TNS3: variants seen among roughly 807,000 people sequenced by gnomAD.
TNS3 encodes the protein tensin-3.
TNS3 carries 45 observed loss-of-function variants against 140.9 expected under a neutral mutation model. The observed-to-expected ratio is 0.32, with a 90% CI of 0.25 to 0.41. The LOEUF is 0.41. Among genes scored for constraint, TNS3 ranks in the 10% least tolerant of loss-of-function variants. The pLI is 1.00. For synonymous variants in TNS3, 815 were observed against 788.4 expected, an observed-to-expected ratio of 1.03 and a Z score of -0.56; for missense variants, 1,716 against 1,906.7, an observed-to-expected ratio of 0.90 and a Z score of 1.86.
chr7:47,377,517 T>C (rs1192960629), intron 16 of TNS3, among the ~76,000 whole-genome samples: 5 of 151,832 alleles, frequency 3.3e-5, no homozygotes, highest in Admixed American at 2.6e-4. Flanking sequence ...GTGGTGGGAG[T>C]GTCATGGCAT....
At chr7:47,328,016 C>A (rs1218588143) in intron 20 of TNS3, among the ~76,000 whole-genome samples, 2 of 152,224 alleles carry the variant, frequency 1.3e-5, no homozygotes, top group Non-Finnish European at 2.9e-5. Context: ...CATGGAAGGG[C>A]CTGGGAGGAT....
chr7:47,508,522 C>G (rs981617016), intron 2 of TNS3, among the ~76,000 whole-genome samples: 2 of 152,206 alleles, frequency 1.3e-5, no homozygotes, highest in Non-Finnish European at 2.9e-5. Context: ...GGGCGGTGGG[C>G]AGGCCTCTGG....
intron 1 of TNS3, among the ~76,000 whole-genome samples, chr7:47,533,049 T>C (rs1209520810): frequency 6.8e-6 from 1 of 147,742 alleles, no homozygotes; most frequent in African/African-American, 2.5e-5. Flanking sequence ...AATAATCATA[T>C]TTATGTAAAT....
chr7:47,401,351 A>G (rs1290130694), intron 13 of TNS3, among the ~76,000 whole-genome samples: 1 of 152,176 alleles, frequency 6.6e-6, no homozygotes, highest in Non-Finnish European at 1.5e-5. Context: ...TCAATGCTCC[A>G]TGTTGCAACT....
At chr7:47,432,834 A>G (rs1406162244) in intron 8 of TNS3, among the ~76,000 whole-genome samples, 1 of 152,176 alleles carries the variant, frequency 6.6e-6, no homozygotes, top group African/African-American at 2.4e-5. Context: ...GATGTAGAAA[A>G]CACAAGAGGG....
At chr7:47,507,679 A>G (rs746102749) in intron 2 of TNS3, among the ~76,000 whole-genome samples, 1 of 152,194 alleles carries the variant, frequency 6.6e-6, no homozygotes, top group Non-Finnish European at 1.5e-5. Context: ...TGTGATCATG[A>G]GGCATAAACC....
chr7:47,556,139 G>C (rs1800189654), intron 1 of TNS3, among the ~76,000 whole-genome samples: 2 of 152,224 alleles, frequency 1.3e-5, no homozygotes, highest in Admixed American at 1.3e-4. Flanking sequence ...TTGGAGTTCA[G>C]TGTGTGAATC....
At chr7:47,348,746 T>C (rs1272646309) in intron 17 of TNS3, among the ~76,000 whole-genome samples, 1 of 152,164 alleles carries the variant, frequency 6.6e-6, no homozygotes, top group Non-Finnish European at 1.5e-5. Flanking sequence ...GGATGGGAAG[T>C]GCATGTTAAC....
chr7:47,554,331 T>C (rs1467467217), intron 1 of TNS3, among the ~76,000 whole-genome samples: 1 of 151,104 alleles, frequency 6.6e-6, no homozygotes, highest in African/African-American at 2.4e-5. Context: ...GACAGGAGAA[T>C]TACTTGAACC....
At chr7:47,517,987 A>G (rs923981413) in intron 2 of TNS3, among the ~76,000 whole-genome samples, 2 of 152,224 alleles carry the variant, frequency 1.3e-5, no homozygotes, top group African/African-American at 4.8e-5. Context: ...TAATCAATCA[A>G]TCAAGAATCA....
intron 1 of TNS3, among the ~76,000 whole-genome samples, chr7:47,546,703 C>A (rs1799930347): frequency 6.6e-6 from 1 of 152,116 alleles, no homozygotes; most frequent in South Asian, 2.1e-4. Context: ...CCCACCTCAC[C>A]ACTGAAGCTT....
In TNS3 at chr7:47,413,987, G is replaced by T; in HGVS notation, c.597C>A (p.Pro199=). The T allele has an allele frequency of 6.2e-7, 1 of 1,613,924 alleles. No homozygotes were observed. Among genetic ancestry groups the T allele is most frequent in the Non-Finnish European group, 8.5e-7 (1 of 1,179,988 alleles). ...PNFDTGGVCR[P]FLKLYQAMQP... is the part of the protein sequence containing the mutation. ...GCATGGCTTGGTAGAGCTTCAGAAA[G>T]GGCCGGCACACTGAAAGAAAGGCAC... Residue 199 remains proline, a synonymous_variant, in exon 12 of 31, where the codon CCC becomes CCA. Coordinates refer to ENST00000311160, the MANE Select transcript of TNS3 (RefSeq NM_022748.12).
chr7:47,532,065 C>A (rs960965260), intron 1 of TNS3, among the ~76,000 whole-genome samples: 3 of 30,550 alleles, frequency 9.8e-5, no homozygotes, highest in Non-Finnish European at 2.6e-4. Flanking sequence ...CATGGGAAGC[C>A]CCCCCCCGCC....
At position 47,361,206 on chromosome 7, in the gene TNS3, C is replaced by CAAAAAAAAAAAAAAAA. The variant is rs56823708; in HGVS notation, c.2281+7143_2281+7158dup. On this transcript the variant is annotated intron_variant, in intron 17 of 30. Coordinates refer to ENST00000311160, the MANE Select transcript of TNS3 (RefSeq NM_022748.12). ...TCTTCTGGTAAGACAGTAACCATGC[C>CAAAAAAAAAAAAAAAA]AAAAAAAAAAAAAAAAAACAAGCAA... Among the ~76,000 whole-genome samples, 452 of 47,066 alleles carry CAAAAAAAAAAAAAAAA rather than the reference C, an allele frequency of 9.6e-3. 53 individuals carry two copies. The highest frequency in any genetic ancestry group is 0.032 in the East Asian group (53 of 1,678). The allele number at this position is 47,066 out of a possible 152,430, so 30.9% of individuals were successfully genotyped here.
At chr7:47,511,431 A>G (rs77239177) in intron 2 of TNS3, among the ~76,000 whole-genome samples, 1,591 of 123,760 alleles carry the variant, frequency 0.013, 28 homozygotes, top group African/African-American at 0.04. Flanking sequence ...TATTAAGCTT[A>G]TGTTCATTTT....
chr7:47,435,279 C>A lies in TNS3; in HGVS notation c.324+3G>T. 1 of 1,613,968 alleles carries A rather than the reference C, an allele frequency of 6.2e-7. No homozygotes were observed. Among genetic ancestry groups the A allele is most frequent in the East Asian group, 2.2e-5 (1 of 44,876 alleles). On this transcript the variant is annotated splice_donor_region_variant and intron_variant, in intron 8 of 30. Coordinates refer to ENST00000311160, the MANE Select transcript of TNS3 (RefSeq NM_022748.12). Reference sequence around the variant, plus strand: ...CCCCAAATGTGAGAGGGGGCGCACTCACCCTGCAGTGAATGACGACCACAT... The same window carrying A: ...CCCCAAATGTGAGAGGGGGCGCACTAACCCTGCAGTGAATGACGACCACAT...
At position 47,533,442 on chromosome 7, in the gene TNS3, T is replaced by A. The variant is rs944210586; in HGVS notation, c.-264-4295A>T. Among the ~76,000 whole-genome samples, 243 of 150,542 alleles carry A rather than the reference T, an allele frequency of 1.6e-3. 2 individuals carry two copies. The highest frequency in any genetic ancestry group is 3.6e-3 in the Admixed American group (54 of 15,080). On this transcript the variant is annotated intron_variant, in intron 1 of 30. Coordinates refer to ENST00000311160, the MANE Select transcript of TNS3 (RefSeq NM_022748.12). ...ACCGCACCTGGCCTTTTTTTTTTTT[T>A]AAAAGACAAAGGCTAGAAAAAAGAG...
At chr7:47,488,019 T>C (rs886230617) in intron 3 of TNS3, among the ~76,000 whole-genome samples, 1 of 152,080 alleles carries the variant, frequency 6.6e-6, no homozygotes, top group Non-Finnish European at 1.5e-5. Flanking sequence ...GGGTTGGGAC[T>C]CTTCTATAAT....
At chr7:47,344,149 G>A (rs1328793421) in intron 20 of TNS3, among the ~76,000 whole-genome samples, 2 of 152,164 alleles carry the variant, frequency 1.3e-5, no homozygotes, top group African/African-American at 4.8e-5. Context: ...GCTCGGCCTT[G>A]TCCTGGACTC....
Sources: allele counts gnomAD v4.1 joint callset (sites outside exome capture counted in the v4.1 genomes callset), GRCh38; gene constraint gnomAD v4.1.1; transcripts MANE v1.5; gene names NCBI Gene and HGNC (gene_info 2026-07-23, HGNC 2026-07-21).